The following RBL2 variants were observed in gnomAD, a reference collection of about 807,000 sequenced individuals.
The protein encoded by RBL2 is RB transcriptional corepressor like 2.
RBL2 carries 56 observed loss-of-function variants against 126.0 expected under a neutral mutation model. That is an observed-to-expected ratio of 0.44 (90% CI 0.36 to 0.56). The LOEUF is 0.56. RBL2 is among the 20% of genes least tolerant of loss of function. The pLI is 0.00. For synonymous variants in RBL2, 454 were observed against 478.5 expected, an observed-to-expected ratio of 0.95 and a Z score of 0.67; for missense variants, 1,229 against 1,398.2, an observed-to-expected ratio of 0.88 and a Z score of 1.93.
chr16:53,457,112 C>T (rs975908999), intron 8 of RBL2, among the ~76,000 whole-genome samples: 7 of 151,738 alleles, frequency 4.6e-5, no homozygotes, highest in Non-Finnish European at 1.0e-4. Context: ...GGGTTATTAG[C>T]ATGTTAAATT....
chr16:53,464,222 A>T lies in RBL2; in HGVS notation c.1561-4A>T. ...TTTCTAATGCTAATAACTTTATTTT[A>T]TAGGGTATTCTGGAACAAGATGCGT... On this transcript the variant is annotated splice_polypyrimidine_tract_variant and splice_region_variant and intron_variant, in intron 11 of 21. Coordinates refer to ENST00000262133, the MANE Select transcript of RBL2 (RefSeq NM_005611.4). 3 of 1,550,846 alleles carry T rather than the reference A, an allele frequency of 1.9e-6. No individual in the cohort carries two copies. The highest frequency in any genetic ancestry group is 2.6e-6 in the Non-Finnish European group (3 of 1,149,376).
chr16:53,469,736 A>C (rs2058302906), intron 14 of RBL2, among the ~76,000 whole-genome samples, 180 bp from the exon 15 acceptor site: 1 of 152,248 alleles, frequency 6.6e-6, no homozygotes, highest in South Asian at 2.1e-4. Context: ...GTGTTCACTG[A>C]ACACGAATGA....
Position 53,470,146 on chromosome 16 carries a change from A to G in RBL2, c.2206A>G (p.Thr736Ala), listed in dbSNP as rs753888560. 1.9e-6 allele frequency: 3 copies of G among 1,612,916 alleles called. No homozygotes were observed. The highest frequency in any genetic ancestry group is 3.3e-5 in the Admixed American group (2 of 59,970). The change falls in exon 15 of 22, where the codon ACA becomes GCA. Residue 736 changes from threonine to alanine, a missense_variant. By Grantham distance (58) the Thr-to-Ala change is moderately conservative. Transcript: ENST00000262133. ...TLVTMATATV[T>A]ANNGQTVTIP... ...GGTCACCATGGCAACCGCCACTGTC[A>G]CAGCCAACAATGGGCAAACGGTAAC...
Position 53,434,651 on chromosome 16 carries a change from A to T in RBL2, c.95A>T (p.Glu32Val), listed in dbSNP as rs976481530. The T allele has an allele frequency of 2.0e-5, 32 of 1,563,316 alleles. No individual in the cohort carries two copies. Among genetic ancestry groups the T allele is most frequent in the Non-Finnish European group, 2.6e-5 (30 of 1,164,642 alleles). The change falls in exon 1 of 22, where the codon GAA becomes GTA. Residue 32 changes from glutamate to valine, a missense_variant. Coordinates refer to ENST00000262133, the MANE Select transcript of RBL2 (RefSeq NM_005611.4). ...DEEEEDDGEA[E>V]DAAPPAESPT... ...GAGGAGGAGGACGACGGCGAGGCGG[A>T]AGACGCCGCGCCGCCTGCCGAGTCG... is the stretch of plus-strand genomic sequence containing the variant.
chr16:53,454,840 A>G lies in RBL2; in HGVS notation c.1177A>G (p.Lys393Glu), dbSNP rs1567732554. ...MKNILQQHFD[K>E]SKALRISTPL... ...AAACATCTTACAGCAGCATTTTGAC[A>G]AGGTGAGTTTAGCCATGCCAGAAGA... Residue 393 changes from lysine to glutamate, a missense_variant and splice_region_variant, in exon 8 of 22, where the codon AAG becomes GAG. Around this residue, in one of 2 missense-constraint regions of RBL2, gnomAD observed 1,070 missense variants for 1,274.3 expected, o/e 0.84. Coordinates refer to ENST00000262133, the MANE Select transcript of RBL2 (RefSeq NM_005611.4). 6.2e-7 allele frequency: 1 copy of G among 1,606,044 alleles called. No homozygotes were observed. Among genetic ancestry groups the G allele is most frequent in the Non-Finnish European group, 8.5e-7 (1 of 1,175,084 alleles).
intron 3 of RBL2, among the ~76,000 whole-genome samples, chr16:53,445,190 G>A (rs993191873): frequency 4.0e-5 from 6 of 151,898 alleles, no homozygotes; most frequent in South Asian, 4.1e-4. Context: ...AGCTTGGAGT[G>A]GTGGCGCACA....
Position 53,442,665 on chromosome 16 carries a change from G to C in RBL2, c.379G>C (p.Glu127Gln). The C allele has an allele frequency of 1.9e-6, 3 of 1,610,556 alleles. No homozygotes were observed. The highest frequency in any genetic ancestry group is 2.5e-6 in the Non-Finnish European group (3 of 1,177,924). ...GTTTGTCTTTAATACCAGCTTAATC[G>C]AATTTTTTAATAAGATGAAGAAGTG... ...ILKCSEQSLI[E>Q]FFNKMKKWED... Residue 127 changes from glutamate to glutamine, a missense_variant, in exon 3 of 22, where the codon GAA becomes CAA. By Grantham distance (29) the Glu-to-Gln change is conservative (BLOSUM62 2). Transcript: ENST00000262133.
intron 4 of RBL2, among the ~76,000 whole-genome samples, chr16:53,450,174 T>G (rs2058101613): frequency 6.6e-6 from 1 of 152,184 alleles, no homozygotes; most frequent in Non-Finnish European, 1.5e-5. Context: ...ATGTGTTGAT[T>G]ATCGTTTGCC....
At chr16:53,452,850 A>G (rs1444582112) in intron 5 of RBL2, among the ~76,000 whole-genome samples, 4 of 151,860 alleles carry the variant, frequency 2.6e-5, no homozygotes, top group Non-Finnish European at 5.9e-5. Context: ...TGTATTTTTC[A>G]GTATAGATGA....
chr16:53,460,439 G>A (rs1410856747), intron 9 of RBL2, among the ~76,000 whole-genome samples: 1 of 152,096 alleles, frequency 6.6e-6, no homozygotes, highest in Non-Finnish European at 1.5e-5. Flanking sequence ...AAACTTGATT[G>A]TGATTTATAC....
At chr16:53,454,099 C>T (rs984100489) in intron 7 of RBL2, 10 of 404,468 alleles carry the variant, frequency 2.5e-5, no homozygotes, top group South Asian at 5.8e-5. Flanking sequence ...AGCTTCTCAC[C>T]GGAAGTTGCA....
intron 15 of RBL2, 25 bp downstream of exon 15, chr16:53,470,210 G>T: frequency 6.3e-7 from 1 of 1,586,336 alleles, no homozygotes; most frequent in South Asian, 1.1e-5. Flanking sequence ...GTTGGATATT[G>T]AGTTCCTTCT....
chr16:53,474,551 G>C (rs1247331212), intron 17 of RBL2, among the ~76,000 whole-genome samples: 4 of 151,586 alleles, frequency 2.6e-5, no homozygotes, highest in African/African-American at 7.3e-5. Context: ...CCCAACCTCA[G>C]GTGATCCACC....
rs1454283474 is a variant in RBL2 at position 53,479,188 on chromosome 16, T to C, written c.2738T>C (p.Met913Thr). ...TKEDKSFQNI[M>T]RCYRTQPQAR... Reference sequence around the variant, plus strand: ...GAAGATAAGTCCTTCCAGAACATTATGCGTTGTTATAGGACTCAGCCGCAG... The same window carrying C: ...GAAGATAAGTCCTTCCAGAACATTACGCGTTGTTATAGGACTCAGCCGCAG... Residue 913 changes from methionine to threonine, a missense_variant, in exon 18 of 22, where the codon ATG (methionine) becomes ACG (threonine). Physicochemically the swap from Met to Thr is moderately conservative, Grantham distance 81. Around this residue, in one of 2 missense-constraint regions of RBL2, gnomAD observed 1,070 missense variants for 1,274.3 expected, o/e 0.84. Coordinates refer to ENST00000262133, the MANE Select transcript of RBL2 (RefSeq NM_005611.4). 1 of 1,614,022 alleles carries C rather than the reference T, an allele frequency of 6.2e-7. No individual in the cohort carries two copies. The highest frequency in any genetic ancestry group is 2.2e-5 in the East Asian group (1 of 44,880).
intron 14 of RBL2, among the ~76,000 whole-genome samples, chr16:53,467,459 C>T (rs2058283006): frequency 6.6e-6 from 1 of 152,198 alleles, no homozygotes; most frequent in Admixed American, 6.5e-5. Flanking sequence ...CCAATCTCAG[C>T]TCACTGCAAC....
At chr16:53,435,296 C>A (rs929874281) in intron 1 of RBL2, among the ~76,000 whole-genome samples, 5 of 152,114 alleles carry the variant, frequency 3.3e-5, no homozygotes, top group African/African-American at 1.2e-4. Context: ...CGTGCTGATG[C>A]GTTTTGGGCT....
chr16:53,489,617 T>C (rs566980799), intron 21 of RBL2: 22 of 152,312 alleles, frequency 1.4e-4, no homozygotes, highest in African/African-American at 5.3e-4. Flanking sequence ...GATAGTACCA[T>C]TCTAGATCTT....
At chr16:53,439,194 A>G in intron 2 of RBL2, 48 bp downstream of exon 2, 4 of 1,445,738 alleles carry the variant, frequency 2.8e-6, no homozygotes, top group Non-Finnish European at 3.7e-6. Context: ...ATGTAAGCTC[A>G]TAAATCATAG....
rs769769177 is a variant in RBL2, at chr16:53,479,886, G to A, written c.2776G>A (p.Val926Met). The A allele has an allele frequency of 1.1e-5, 18 of 1,578,608 alleles. No homozygotes were observed. Among genetic ancestry groups the A allele is most frequent in the Non-Finnish European group, 1.6e-5 (18 of 1,151,952 alleles). The part of the protein sequence containing the change: ...YRTQPQARSQ[V>M]YRSVLIKGKR... ...TCCCCTTCTCATTGTTTCTCTAAAG[G>A]TGTATAGAAGTGTTTTGATAAAAGG... The change falls in exon 19 of 22, where the codon GTG becomes ATG. Residue 926 changes from valine to methionine, a missense_variant and splice_region_variant. Transcript: ENST00000262133.
Sources: gnomAD v4.1 joint callset for allele counts (sites outside exome capture counted in the v4.1 genomes callset) on GRCh38, gnomAD v4.1.1 for gene constraint, gnomAD v4.1.1 regional missense constraint, MANE v1.5 for transcripts, NCBI Gene and HGNC (gene_info 2026-07-23, HGNC 2026-07-21) for gene names.